The following SDHD variants were observed in gnomAD, a reference collection of about 807,000 sequenced individuals.
SDHD encodes succinate dehydrogenase complex subunit D.
SDHD carries 6 observed loss-of-function variants against 18.7 expected under a neutral mutation model. That is an observed-to-expected ratio of 0.32 (90% CI 0.18 to 0.63). The LOEUF is 0.63. SDHD is among the 30% of genes least tolerant of loss of function. The pLI is 0.79. For missense variants in SDHD, 160 were observed against 192.7 expected (o/e 0.83, Z 1.00); for synonymous variants, 56 against 73.9 (o/e 0.76, Z 1.24).
chr11:112,091,175 TGTC>T, intron 3 of SDHD: 1 of 745,368 alleles, frequency 1.3e-6, no homozygotes, highest in Non-Finnish European at 1.6e-6. Context: ...TTGAAGGAGC[TGTC>T]TATAATGTGC....
In SDHD at chr11:112,093,335, G is replaced by C. The variant is rs1865783585; in HGVS notation, c.315-1470G>C. 1.5e-5 allele frequency: 3 copies of C among 194,930 alleles called. No homozygotes were observed. In the South Asian group the frequency reaches 1.8e-4, roughly 12 times the overall value. 12.1% of individuals were successfully genotyped at this position (194,930 alleles called of 1,614,324 possible). ...CCCACTTCACCCACCCAAAGTGCTG[G>C]GATTACAGGTGTGAGCCACCACGCC... is the stretch of plus-strand genomic sequence containing the variant. On this transcript the variant is annotated intron_variant, in intron 3 of 3. Transcript: ENST00000375549.
chr11:112,088,666 ACTTCAAAAAACAGAGATAAAGC>A (rs1445728514), intron 2 of SDHD, 179 bp from the exon 3 acceptor site: 12 of 652,052 alleles, frequency 1.8e-5, no homozygotes, highest in South Asian at 5.2e-5. Flanking sequence ...GTGCTAAAAG[ACTTCAAAAAACAGAGATAAAGC>A]CTTCAAAAAA....
At position 112,094,948 on chromosome 11, in the gene SDHD, T is replaced by C. The variant is rs1555187644; in HGVS notation, c.458T>C (p.Val153Ala). ...NYHDVGICKAVAMLWKL is the reference protein window; with the variant it reads ...NYHDVGICKAAAMLWKL ...CACGATGTGGGCATCTGCAAAGCTG[T>C]TGCCATGCTGTGGAAGCTCTGACCT... Residue 153 changes from valine (V) to alanine (A), a missense_variant, in exon 4 of 4, where the codon GTT becomes GCT. Physicochemically the swap from Val to Ala is moderately conservative, Grantham distance 64. Transcript: ENST00000375549. The C allele has an allele frequency of 6.2e-7, 1 of 1,610,932 alleles. No individual in the cohort carries two copies. Among genetic ancestry groups the C allele is most frequent in the Non-Finnish European group, 8.5e-7 (1 of 1,178,830 alleles).
intron 2 of SDHD, 152 bp downstream of exon 2, chr11:112,088,125 G>A (rs1865661626): frequency 2.7e-6 from 2 of 749,344 alleles, no homozygotes; most frequent in Admixed American, 3.5e-5. Flanking sequence ...TGGGCAGACA[G>A]TGCCATTATG....
rs545238140 is a variant in SDHD at position 112,094,069 on chromosome 11, C to G, written c.315-736C>G. Among the ~76,000 whole-genome samples, 14 of 152,158 alleles carry G rather than the reference C, an allele frequency of 9.2e-5. No homozygotes were observed. The South Asian group carries it at 1.7e-3, about 18-fold the overall frequency. On this transcript the variant is annotated intron_variant, in intron 3 of 3. Transcript: ENST00000375549. Reference sequence around the variant, plus strand: ...ATCACTTGCAGCCAAGAGTTCAAGACCAGCCTGGGCATCATGGTGAGACCG... The same window carrying G: ...ATCACTTGCAGCCAAGAGTTCAAGAGCAGCCTGGGCATCATGGTGAGACCG...
chr11:112,091,993 A>G (rs1865753177), intron 3 of SDHD, among the ~76,000 whole-genome samples: 1 of 152,174 alleles, frequency 6.6e-6, no homozygotes, highest in African/African-American at 2.4e-5. Flanking sequence ...GCTGGAACCC[A>G]GGAGGTGGAG....
At chr11:112,092,419 C>G (rs947640002) in intron 3 of SDHD, among the ~76,000 whole-genome samples, 2 of 152,206 alleles carry the variant, frequency 1.3e-5, no homozygotes, top group Admixed American at 6.5e-5. Context: ...CCCACCCACT[C>G]TGTTCATTCA....
chr11:112,095,736 T>C lies in SDHD; in HGVS notation c.*766T>C, dbSNP rs555396316. On this transcript the variant is annotated 3_prime_UTR_variant, in exon 4 of 4. Transcript: ENST00000375549. ...GAATCTCTAATGTGAAAATGTATTC[T>C]ATGAAAATAATTTTTTTAAATAAAA... 17 of 214,072 alleles carry C rather than the reference T, an allele frequency of 7.9e-5. No homozygotes were observed. Among genetic ancestry groups the C allele is most frequent in the Non-Finnish European group, 1.4e-4 (15 of 106,418 alleles). The allele number at this position is 214,072 out of a possible 1,614,324, so 13.3% of individuals were successfully genotyped here.
chr11:112,091,840 G>T (rs552788894), intron 3 of SDHD, among the ~76,000 whole-genome samples: 1 of 152,290 alleles, frequency 6.6e-6, no homozygotes, highest in South Asian at 2.1e-4. Context: ...AGGCCGAGGC[G>T]GGCGGATCAT....
In SDHD at chr11:112,088,911, G is replaced by T. The variant is rs556828083; in HGVS notation, c.214G>T (p.Val72Phe). 2.5e-6 allele frequency: 4 copies of T among 1,613,020 alleles called. No homozygotes were observed. In the African/African-American group the frequency reaches 5.3e-5, roughly 22 times the overall value. The change falls in exon 3 of 4, where the codon GTC (valine) becomes TTC (phenylalanine). Residue 72 changes from valine (V) to phenylalanine (F), a missense_variant. By Grantham distance (50) the Val-to-Phe change is conservative. Transcript: ENST00000375549. The part of the protein sequence containing the change: ...ASLHWTSERV[V>F]SVLLLGLLPA... ...TCTCCACTGGACTAGCGAGAGGGTT[G>T]TCAGTGTTTTGCTCCTGGGTCTGCT...
rs951889323 is a variant in SDHD, at chr11:112,095,765, TATATA to T, written c.*799_*803del. On this transcript the variant is annotated 3_prime_UTR_variant, in exon 4 of 4. Transcript: ENST00000375549. ...AAAATAATTTTTTTAAATAAAATGT[TATATA>T]ATAAAAGTGTCTTCTATGCTTTTAT... 11 of 206,974 alleles carry T rather than the reference TATATA, an allele frequency of 5.3e-5. No individual in the cohort carries two copies. The highest frequency in any genetic ancestry group is 2.0e-4 in the African/African-American group (9 of 43,972). The allele number at this position is 206,974 out of a possible 1,614,324, so 12.8% of individuals were successfully genotyped here.
intron 3 of SDHD, chr11:112,093,096 GCGATCTTGGCTCGGCA>G: frequency 3.0e-6 from 1 of 328,290 alleles, no homozygotes; most frequent in Non-Finnish European, 6.2e-6. Flanking sequence ...GTGCAATGGT[GCGATCTTGGCTCGGCA>G]CGATCTCGGC....
At chr11:112,091,630 C>CT (rs1865747144) in intron 3 of SDHD, among the ~76,000 whole-genome samples, 1 of 152,138 alleles carries the variant, frequency 6.6e-6, no homozygotes, top group African/African-American at 2.4e-5. Context: ...CCAAATCGCT[C>CT]TTTTTTCCCC....
intron 3 of SDHD, among the ~76,000 whole-genome samples, chr11:112,089,504 G>A (rs1223901270): frequency 2.0e-5 from 3 of 152,150 alleles, no homozygotes; most frequent in Non-Finnish European, 4.4e-5. Context: ...GTTACTCAAA[G>A]TCAGAATTCT....
rs2135267375 is a variant in SDHD at position 112,087,941 on chromosome 11, T to C, written c.137T>C (p.Val46Ala). Residue 46 changes from valine to alanine, a missense_variant, in exon 2 of 4, where the codon GTG (valine) becomes GCG (alanine). By Grantham distance (64) the Val-to-Ala change is moderately conservative (BLOSUM62 0). Coordinates refer to ENST00000375549, the MANE Select transcript of SDHD (RefSeq NM_003002.4). ...CGACCTATCCCAGAATGGTGTGGAG[T>C]GCAGCACATACACTTGTCACCGAGC... Reference protein sequence around the residue: ...QDRPIPEWCGVQHIHLSPSHH... With the variant: ...QDRPIPEWCGAQHIHLSPSHH... The C allele has an allele frequency of 6.2e-7, 1 of 1,612,554 alleles. No individual in the cohort carries two copies. The highest frequency in any genetic ancestry group is 1.1e-5 in the South Asian group (1 of 91,070).
intron 3 of SDHD, among the ~76,000 whole-genome samples, chr11:112,090,337 CT>C (rs869107063): frequency 7.4e-6 from 1 of 135,066 alleles, no homozygotes. Flanking sequence ...TCTGGAACTC[CT>C]GACCTCAGGT....
At chr11:112,087,678 C>CAG (rs1865644203) in intron 1 of SDHD, among the ~76,000 whole-genome samples, 179 bp from the exon 2 acceptor site, 1 of 152,172 alleles carries the variant, frequency 6.6e-6, no homozygotes, top group Non-Finnish European at 1.5e-5. Context: ...AGGGAACATG[C>CAG]AGATGTTCCC....
At position 112,089,081 on chromosome 11, in the gene SDHD, A is replaced by G. The variant is rs918007343; in HGVS notation, c.314+70A>G. ...GCTGTGAGCTTGTCTTATGTATTAT[A>G]TATGAGGGAGAAGTTGATTGAAATG... On this transcript the variant is annotated intron_variant, in intron 3 of 3. Coordinates refer to ENST00000375549, the MANE Select transcript of SDHD (RefSeq NM_003002.4). The G allele has an allele frequency of 7.1e-6, 11 of 1,557,296 alleles. No individual in the cohort carries two copies. In the Admixed American group the frequency reaches 1.0e-4, roughly 14 times the overall value.
At chr11:112,088,384 GA>G in intron 2 of SDHD, 1 of 339,362 alleles carries the variant, frequency 2.9e-6, no homozygotes, top group East Asian at 7.9e-5. Context: ...ACTTTTAGTA[GA>G]GACGGGTTTC....
Sources: gnomAD v4.1 joint callset for allele counts (sites outside exome capture counted in the v4.1 genomes callset) on GRCh38, gnomAD v4.1.1 for gene constraint, MANE v1.5 for transcripts, NCBI Gene and HGNC (gene_info 2026-07-23, HGNC 2026-07-21) for gene names.